The following NPAS2 variants were observed in gnomAD, a reference collection of about 807,000 sequenced individuals.
NPAS2 encodes neuronal PAS domain-containing protein 2.
NPAS2 carries 23 observed loss-of-function variants against 107.5 expected under a neutral mutation model. That is an observed-to-expected ratio of 0.21 (90% confidence interval 0.15 to 0.30). The LOEUF is 0.30. Among genes scored for constraint, NPAS2 ranks in the 10% least tolerant of loss-of-function variants. The probability of loss-of-function intolerance (pLI) is 1.00; values close to 1 mark genes in which losing one functional copy is unlikely to be tolerated. For missense variants in NPAS2, 756 were observed against 1,043.3 expected (o/e 0.72, Z 3.79); for synonymous variants, 403 against 417.5 (o/e 0.97, Z 0.42).
At chr2:100,885,006 T>G (rs1156564520) in intron 1 of NPAS2, among the ~76,000 whole-genome samples, 1 of 151,894 alleles carries the variant, frequency 6.6e-6, no homozygotes, top group Admixed American at 6.6e-5. Context: ...TAGAGCGCAG[T>G]GGCACAGTCT....
chr2:100,870,844 C>T (rs1679538628), intron 1 of NPAS2, among the ~76,000 whole-genome samples: 2 of 152,246 alleles, frequency 1.3e-5, no homozygotes, highest in African/African-American at 2.4e-5. Flanking sequence ...GCTGATGCTT[C>T]AGTCCCATCT....
chr2:100,860,590 G>A (rs984701685), intron 1 of NPAS2, among the ~76,000 whole-genome samples: 5 of 152,108 alleles, frequency 3.3e-5, no homozygotes, highest in East Asian at 3.8e-4. Context: ...TCCCTTCTAC[G>A]TGTGTTAGTT....
intron 7 of NPAS2, chr2:100,962,711 TA>T (rs1675982467): frequency 6.6e-6 from 1 of 152,226 alleles, no homozygotes; most frequent in Non-Finnish European, 1.5e-5. Flanking sequence ...TTATCCCACC[TA>T]AAAAACTCCA....
At chr2:100,882,065 T>C (rs1680384968) in intron 1 of NPAS2, among the ~76,000 whole-genome samples, 1 of 152,224 alleles carries the variant, frequency 6.6e-6, no homozygotes, top group Non-Finnish European at 1.5e-5. Flanking sequence ...TGGCTCAGCT[T>C]GTCATTAGCT....
intron 3 of NPAS2, among the ~76,000 whole-genome samples, chr2:100,931,388 G>A (rs971710261): frequency 3.3e-5 from 5 of 152,020 alleles, no homozygotes; most frequent in East Asian, 3.9e-4. Context: ...CTGACATCTC[G>A]AAGGAAGGAG....
rs1417269318 is a variant in NPAS2, at chr2:100,869,997, C to T, written c.-22-34736C>T. Among the ~76,000 whole-genome samples, 6 of 150,906 alleles carry T rather than the reference C, an allele frequency of 4.0e-5. No individual in the cohort carries two copies. In the South Asian group the frequency reaches 6.3e-4, roughly 16 times the overall value. On this transcript the variant is annotated intron_variant, in intron 1 of 20. Transcript: ENST00000335681. Reference sequence around the variant, plus strand: ...TTGGCTCACTGCAAGCTCTGCCTCCCGGGTTCACGCCATTCTCCTGCCTCA... The same window carrying T: ...TTGGCTCACTGCAAGCTCTGCCTCCTGGGTTCACGCCATTCTCCTGCCTCA...
intron 4 of NPAS2, among the ~76,000 whole-genome samples, chr2:100,936,104 A>G (rs1684281136): frequency 6.6e-6 from 1 of 152,206 alleles, no homozygotes; most frequent in African/African-American, 2.4e-5. Context: ...TCTGTTTTTC[A>G]GTCTAAATCC....
At chr2:100,872,803 T>A (rs1679659865) in intron 1 of NPAS2, among the ~76,000 whole-genome samples, 2 of 152,218 alleles carry the variant, frequency 1.3e-5, no homozygotes, top group Admixed American at 6.5e-5. Context: ...TTACCAAGAC[T>A]CAGCATCCAC....
intron 1 of NPAS2, among the ~76,000 whole-genome samples, chr2:100,893,934 T>C: frequency 6.6e-6 from 1 of 152,192 alleles, no homozygotes; most frequent in East Asian, 1.9e-4. Context: ...AACATGCCTT[T>C]CCGTGCGTGC....
intron 7 of NPAS2, among the ~76,000 whole-genome samples, chr2:100,953,711 C>A (rs1298206494): frequency 6.6e-6 from 1 of 152,126 alleles, no homozygotes; most frequent in Non-Finnish European, 1.5e-5. Flanking sequence ...ACATTCACAG[C>A]CAGACCCTCT....
At chr2:100,832,418 A>G (rs963764637) in intron 1 of NPAS2, among the ~76,000 whole-genome samples, 4 of 152,178 alleles carry the variant, frequency 2.6e-5, no homozygotes, top group Admixed American at 1.3e-4. Flanking sequence ...TCCTCAGCCA[A>G]GGCCTGCTGC....
chr2:100,902,184 C>G (rs895524368), intron 1 of NPAS2, among the ~76,000 whole-genome samples: 1 of 152,152 alleles, frequency 6.6e-6, no homozygotes, highest in African/African-American at 2.4e-5. Flanking sequence ...CCTCAGAGGA[C>G]TGCTTTTCTT....
intron 1 of NPAS2, among the ~76,000 whole-genome samples, chr2:100,832,172 C>A (rs1007767303): frequency 6.6e-6 from 1 of 152,152 alleles, no homozygotes; most frequent in Non-Finnish European, 1.5e-5. Context: ...GGCATTCTAT[C>A]ACATTCCATG....
At chr2:100,891,634 C>T (rs759033808) in intron 1 of NPAS2, among the ~76,000 whole-genome samples, 3 of 152,236 alleles carry the variant, frequency 2.0e-5, no homozygotes, top group Non-Finnish European at 4.4e-5. Flanking sequence ...ACATTTCAAC[C>T]TAGATCTGGC....
intron 1 of NPAS2, among the ~76,000 whole-genome samples, chr2:100,892,520 C>G (rs996571009): frequency 6.6e-6 from 1 of 152,076 alleles, no homozygotes; most frequent in Non-Finnish European, 1.5e-5. Context: ...GAGGCTCCAG[C>G]AAGCACTGTG....
chr2:100,937,868 A>G (rs776325210), intron 5 of NPAS2, 26 bp downstream of exon 5: 47 of 1,505,302 alleles, frequency 3.1e-5, no homozygotes, highest in African/African-American at 4.1e-5. Flanking sequence ...AATGGCCTTT[A>G]CCGGTTCACG....
intron 4 of NPAS2, among the ~76,000 whole-genome samples, chr2:100,935,852 A>G (rs886434294): frequency 3.3e-5 from 5 of 152,182 alleles, no homozygotes; most frequent in African/African-American, 1.2e-4. Flanking sequence ...TTCTTCGTTT[A>G]CTGTAACTCA....
intron 1 of NPAS2, among the ~76,000 whole-genome samples, chr2:100,873,251 CAAAAAAAAA>C (rs57848948): frequency 3.4e-5 from 2 of 58,892 alleles, no homozygotes; most frequent in East Asian, 1.1e-3. Flanking sequence ...GACTTCATCT[CAAAAAAAAA>C]AAAAAAAAAA....
intron 15 of NPAS2, among the ~76,000 whole-genome samples, chr2:100,981,122 G>C (rs1329889142): frequency 2.0e-5 from 3 of 152,108 alleles, no homozygotes; most frequent in Admixed American, 2.0e-4. Context: ...CAAAAGCTAT[G>C]CTTTCAGTTA....
Sources: gnomAD v4.1 joint callset for allele counts (sites outside exome capture counted in the v4.1 genomes callset) on GRCh38, gnomAD v4.1.1 for gene constraint, MANE v1.5 for transcripts, NCBI Gene and HGNC (gene_info 2026-07-23, HGNC 2026-07-21) for gene names.